Variants in NBPF12 observed in about 807,000 individuals in gnomAD.
The protein encoded by NBPF12 is NBPF member 12.
In NBPF12, 115 loss-of-function variants were observed where a neutral mutation model predicts 146.4. The ratio of observed to expected loss-of-function variants is 0.79; its 90% confidence interval spans 0.68 to 0.92. The LOEUF is 0.92. Ranked by LOEUF, NBPF12 falls within the 40% of genes least tolerant of loss-of-function variation. The probability of loss-of-function intolerance (pLI) is 0.00; values close to 1 mark genes in which losing one functional copy is unlikely to be tolerated. For synonymous variants in NBPF12, 385 were observed against 508.9 expected, an observed-to-expected ratio of 0.76 and a Z score of 3.28; for missense variants, 1,205 against 1,326.8, an observed-to-expected ratio of 0.91 and a Z score of 1.43.
chr1:146,969,199 A>G (rs1408732615), intron 10 of NBPF12, among the ~76,000 whole-genome samples, 183 bp from the exon 14 acceptor site: 1 of 151,438 alleles, frequency 6.6e-6, no homozygotes, highest in Non-Finnish European at 1.5e-5. Flanking sequence ...CCTCTCTGAT[A>G]CAGAGGAAGC....
chr1:146,952,145 G>C (rs1378100451), intron 2 of NBPF12: 1 of 151,772 alleles, frequency 6.6e-6, no homozygotes, highest in Admixed American at 6.6e-5. Context: ...TTGTGGTGAA[G>C]AATTTCTTTT....
chr1:146,945,378 A>G (rs1655005385), upstream of NBPF12, among the ~76,000 whole-genome samples: 1 of 150,936 alleles, frequency 6.6e-6, no homozygotes, highest in Non-Finnish European at 1.5e-5. Context: ...AGTTCTGCCC[A>G]CCTAGATGGT....
At chr1:146,966,434 C>A in intron 8 of NBPF12, 30 bp from the exon 12 acceptor site, 1 of 1,330,782 alleles carries the variant, frequency 7.5e-7, no homozygotes, top group Non-Finnish European at 1.1e-6. Flanking sequence ...AGTTTTTAAC[C>A]CATCATGTGT....
intron 8 of NBPF12, among the ~76,000 whole-genome samples, chr1:146,965,906 G>T (rs1553885583): frequency 6.8e-6 from 1 of 146,590 alleles, no homozygotes; most frequent in East Asian, 2.1e-4. Flanking sequence ...TCAGGAGATC[G>T]AAACCAGCCT....
chr1:146,964,525 C>G (rs1437352949), intron 7 of NBPF12, 96 bp downstream of exon 10: 7 of 1,577,036 alleles, frequency 4.4e-6, no homozygotes, highest in Admixed American at 3.3e-5. Context: ...GCCAAAAGCC[C>G]GCATTCCCTT....
chr1:146,945,658 G>C (rs1655019239), upstream of NBPF12, among the ~76,000 whole-genome samples: 1 of 150,954 alleles, frequency 6.6e-6, no homozygotes, highest in African/African-American at 2.4e-5. Context: ...AACAGTTCTA[G>C]GTTTACAGAA....
intron 18 of NBPF12, among the ~76,000 whole-genome samples, chr1:146,978,000 C>A (rs1435905554): frequency 6.6e-6 from 1 of 151,956 alleles, no homozygotes; most frequent in Non-Finnish European, 1.5e-5. Context: ...GAACAATGTC[C>A]ATGGAGTTTC....
At chr1:146,971,922 A>C (rs1352361631) in intron 13 of NBPF12, among the ~76,000 whole-genome samples, 1 of 50,946 alleles carries the variant, frequency 2.0e-5, no homozygotes, top group Non-Finnish European at 3.2e-5. Flanking sequence ...TACTAAAAAT[A>C]CAAAAAAAAA....
chr1:146,967,258 T>G (rs1171109717), intron 9 of NBPF12, among the ~76,000 whole-genome samples: 1 of 150,474 alleles, frequency 6.6e-6, no homozygotes, highest in Non-Finnish European at 1.5e-5. Context: ...ATCCCAGCCC[T>G]TTGGGAGGCT....
intron 14 of NBPF12, among the ~76,000 whole-genome samples, chr1:146,973,343 A>G (rs1656779261): frequency 6.6e-6 from 1 of 151,804 alleles, no homozygotes; most frequent in Non-Finnish European, 1.5e-5. Flanking sequence ...ACTTTTATTC[A>G]GTTCAAGTTT....
chr1:146,969,217 C>A (rs1656418042), intron 10 of NBPF12, among the ~76,000 whole-genome samples, 165 bp from the exon 14 acceptor site: 2 of 151,436 alleles, frequency 1.3e-5, no homozygotes, highest in Non-Finnish European at 2.9e-5. Flanking sequence ...AGCCTGTAAA[C>A]CATTTTCTCT....
At chr1:146,948,422 C>T (rs1274251220), upstream of NBPF12, among the ~76,000 whole-genome samples, 45 of 151,676 alleles carry the variant, frequency 3.0e-4, no homozygotes, top group South Asian at 1.3e-3. Flanking sequence ...TGCCTTGAGA[C>T]GCTGTTAATC....
exon 6 of NBPF12, chr1:146,963,127 G>T: frequency 4.4e-6 from 7 of 1,608,668 alleles, no homozygotes; most frequent in Non-Finnish European, 5.9e-6. Flanking sequence ...TCTCAGGAAC[G>T]AGAGCTGACC....
intron 1 of NBPF12, 46 bp downstream of exon 1, chr1:146,939,058 C>T (rs1171890422): frequency 1.3e-5 from 2 of 152,142 alleles, no homozygotes; most frequent in South Asian, 2.1e-4. Flanking sequence ...AGGCGCGGCG[C>T]GCTGGGCCGC....
intron 21 of NBPF12, 98 bp from the exon 25 acceptor site, chr1:146,984,714 CT>C: frequency 1.3e-6 from 1 of 795,498 alleles, no homozygotes; most frequent in South Asian, 1.4e-5. Flanking sequence ...TGTCCTTTTT[CT>C]TTTCAAACTC....
rs1303833722 is a variant in NBPF12, at chr1:146,977,628, AT to A, written c.2356del (p.Ser786ProfsTer74). On this transcript the variant is annotated frameshift_variant, in exon 18 of 34. Transcript: ENST00000617844. LOFTEE classifies it high-confidence loss of function. Reference sequence around the variant, plus strand: ...AAGTCGACTCAACTCTCATTGGCTCATCCTCTCATGTTGAATGGGAGGATGC... The same window carrying A: ...AAGTCGACTCAACTCTCATTGGCTCACCTCTCATGTTGAATGGGAGGATGC... The A allele has an allele frequency of 6.6e-7, 1 of 1,513,650 alleles. No homozygotes were observed. The highest frequency in any genetic ancestry group is 1.4e-5 in the African/African-American group (1 of 73,258). 93.8% of individuals were successfully genotyped at this position (1,513,650 alleles called of 1,614,324 possible). A position where few individuals can be genotyped will look rare whatever the true frequency, so the allele number is the denominator to read the frequency against.
At chr1:146,970,843 T>C in intron 12 of NBPF12, 124 bp downstream of exon 15, 1 of 1,045,570 alleles carries the variant, frequency 9.6e-7, no homozygotes, top group Non-Finnish European at 1.5e-6. Context: ...GTATGTGAAA[T>C]TCAACCCAGC....
chr1:146,965,680 T>A (rs1176669450), intron 8 of NBPF12, among the ~76,000 whole-genome samples: 11 of 145,620 alleles, frequency 7.6e-5, no homozygotes, highest in African/African-American at 2.1e-4. Context: ...TAGTCCCAGC[T>A]ACTCAGGAGG....
upstream of NBPF12, among the ~76,000 whole-genome samples, chr1:146,948,722 G>A (rs1411957945): frequency 4.0e-5 from 6 of 151,780 alleles, no homozygotes; most frequent in Non-Finnish European, 7.4e-5. Flanking sequence ...CCCCCAGCCC[G>A]ACACCCGTAA....
Sources: gnomAD v4.1 joint callset for allele counts (sites outside exome capture counted in the v4.1 genomes callset) on GRCh38, gnomAD v4.1.1 for gene constraint, MANE v1.5 for transcripts, NCBI Gene and HGNC (gene_info 2026-07-23, HGNC 2026-07-21) for gene names.